Variants in SIDT2 observed in about 807,000 individuals in gnomAD.
The protein encoded by SIDT2 is SID1 transmembrane family member 2.
In SIDT2, 68 loss-of-function variants were observed where a neutral mutation model predicts 114.4. The observed-to-expected ratio is 0.59, with a 90% CI of 0.49 to 0.73. The LOEUF (loss-of-function observed/expected upper bound fraction) is 0.73. Ranked by LOEUF, SIDT2 falls within the 30% of genes least tolerant of loss-of-function variation. The probability of loss-of-function intolerance (pLI) is 0.00; values close to 1 mark genes in which losing one functional copy is unlikely to be tolerated. For synonymous variants in SIDT2, 470 were observed against 438.4 expected, an observed-to-expected ratio of 1.07 and a Z score of -0.90; for missense variants, 918 against 1,097.1, an observed-to-expected ratio of 0.84 and a Z score of 2.31.
chr11:117,192,214 C>G lies in SIDT2; in HGVS notation c.1873-40C>G, dbSNP rs759426310. On this transcript the variant is annotated intron_variant, in intron 19 of 25. Transcript: ENST00000324225. This position sits in a 1 kb window ranked among gnomAD's most constrained non-coding sequence, Gnocchi z 5.9. ...AGGGTGGGCCATCCGAGCCACTTCC[C>G]TCTCCACCCTCACCGCTGCCCTTGG... 11 of 1,478,546 alleles carry G rather than the reference C, an allele frequency of 7.4e-6. No homozygotes were observed. Among genetic ancestry groups the G allele is most frequent in the Non-Finnish European group, 1.0e-5 (11 of 1,056,988 alleles). The allele number at this position is 1,478,546 out of a possible 1,614,324, so 91.6% of individuals were successfully genotyped here.
At position 117,186,219 on chromosome 11, in the gene SIDT2, T is replaced by C; in HGVS notation, c.958T>C (p.Trp320Arg). The C allele has an allele frequency of 6.2e-7, 1 of 1,614,050 alleles. No individual in the cohort carries two copies. The highest frequency in any genetic ancestry group is 1.3e-5 in the African/African-American group (1 of 75,040). ...CGTCCTCCTGGCCTGCTGGGAGAAC[T>C]GGAGGTAAAGTGGAACTGCTGGGCC... The part of the protein sequence containing the change: ...LTVLLACWEN[W>R]RQKKKTLLVA... Residue 320 changes from tryptophan to arginine, a missense_variant, in exon 9 of 26, where the codon TGG (tryptophan) becomes CGG (arginine). By Grantham distance (101) the Trp-to-Arg change is moderately radical. Transcript: ENST00000324225.
Position 117,179,556 on chromosome 11 carries a change from C to T in SIDT2, c.183+110C>T, listed in dbSNP as rs564179114. 27 of 1,173,468 alleles carry T rather than the reference C, an allele frequency of 2.3e-5. No individual in the cohort carries two copies. The African/African-American group carries it at 3.4e-4, about 15-fold the overall frequency. The allele number at this position is 1,173,468 out of a possible 1,614,324, so 72.7% of individuals were successfully genotyped here. A position where few individuals can be genotyped will look rare whatever the true frequency, so the allele number is the denominator to read the frequency against. On this transcript the variant is annotated intron_variant, in intron 1 of 25. Coordinates refer to ENST00000324225, the MANE Select transcript of SIDT2 (RefSeq NM_001040455.2). The stretch of plus-strand genomic sequence containing the variant: ...GAGGCCCCAGGAACGAGCTGTCCTG[C>T]TAGGTTCCCAGTTCCCAGAACCACA...
At chr11:117,181,291 C>G in intron 1 of SIDT2, 125 bp from the exon 2 acceptor site, 1 of 1,396,080 alleles carries the variant, frequency 7.2e-7, no homozygotes. Context: ...GAGATGACTC[C>G]CTGGCCCGAC....
rs760782996 is a variant in SIDT2 at position 117,182,749 on chromosome 11, C to T, written c.645C>T (p.Asn215=). Residue 215 remains asparagine, a synonymous_variant, in exon 6 of 26, where the codon AAC becomes AAT. Transcript: ENST00000324225. ...GTCCTGTCTATGACCTGGACAACAA[C>T]GTAGCCTTCATCGGCATGTACCAGA... ...VLCPVYDLDN[N]VAFIGMYQTM... 18 of 1,614,094 alleles carry T rather than the reference C, an allele frequency of 1.1e-5. No homozygotes were observed. Among genetic ancestry groups the T allele is most frequent in the Middle Eastern group, 1.6e-4 (1 of 6,082 alleles).
rs748210135 is a variant in SIDT2, at chr11:117,189,260, C to G, written c.1352+18C>G. On this transcript the variant is annotated intron_variant, in intron 14 of 25. Coordinates refer to ENST00000324225, the MANE Select transcript of SIDT2 (RefSeq NM_001040455.2). ...TACTTCTGGTGAGTGGGCTGAGTGTCTGGGGCTCTGCTGTTGGTGGGTGTG... is the reference window on the plus strand; with the variant it reads ...TACTTCTGGTGAGTGGGCTGAGTGTGTGGGGCTCTGCTGTTGGTGGGTGTG... The G allele has an allele frequency of 6.2e-7, 1 of 1,614,156 alleles. No individual in the cohort carries two copies. Among genetic ancestry groups the G allele is most frequent in the Non-Finnish European group, 8.5e-7 (1 of 1,179,972 alleles).
chr11:117,188,995 G>A lies in SIDT2; in HGVS notation c.1278+169G>A. On this transcript the variant is annotated intron_variant, in intron 13 of 25. Coordinates refer to ENST00000324225, the MANE Select transcript of SIDT2 (RefSeq NM_001040455.2). The surrounding 1 kb of genome is among the most constrained non-coding windows in gnomAD (Gnocchi z 4.0). ...CTAACCTGACCTCCAACCCCTTCCG[G>A]CCTGATTGGCCAAACCCTCTTGGTC... The A allele has an allele frequency of 3.2e-6, 3 of 950,408 alleles. No individual in the cohort carries two copies. Among genetic ancestry groups the A allele is most frequent in the South Asian group, 1.5e-5 (1 of 68,744 alleles). 58.9% of individuals were successfully genotyped at this position (950,408 alleles called of 1,614,324 possible). A position where few individuals can be genotyped will look rare whatever the true frequency, so the allele number is the denominator to read the frequency against.
At chr11:117,179,717 C>T (rs2030191135) in intron 1 of SIDT2, 1 of 408,716 alleles carries the variant, frequency 2.4e-6, no homozygotes, top group Non-Finnish European at 4.4e-6. Context: ...TCTGAGCACA[C>T]ATGGCTTGCT....
chr11:117,187,388 AG>A lies in SIDT2; in HGVS notation c.1027del (p.Val343SerfsTer51). On this transcript the variant is annotated frameshift_variant, in exon 11 of 26. Coordinates refer to ENST00000324225, the MANE Select transcript of SIDT2 (RefSeq NM_001040455.2). LOFTEE classifies it high-confidence loss of function. ...RACPESGHPRVLADSFPGSSP... is the reference protein window; with the variant it reads ...RACPESGHPRXLADSFPGSSP... ...GACTTCTCATTGCAGGTCACCCTCG[AG>A]TCCTGGCTGATTCTTTTCCTGGCAG... 6.2e-7 allele frequency: 1 copy of A among 1,613,980 alleles called. No homozygotes were observed. The highest frequency in any genetic ancestry group is 8.5e-7 in the Non-Finnish European group (1 of 1,179,946).
At chr11:117,193,062 ACAT>A (rs2030761222) in intron 22 of SIDT2, 88 bp from the exon 23 acceptor site, 4 of 1,437,948 alleles carry the variant, frequency 2.8e-6, no homozygotes, top group Admixed American at 3.3e-5. Context: ...ACACAGCCCA[ACAT>A]CATAATAAAA....
At position 117,188,586 on chromosome 11, in the gene SIDT2, G is replaced by T. The variant is rs1490506865; in HGVS notation, c.1160-122G>T. On this transcript the variant is annotated intron_variant, in intron 12 of 25. Coordinates refer to ENST00000324225, the MANE Select transcript of SIDT2 (RefSeq NM_001040455.2). This position sits in a 1 kb window ranked among gnomAD's most constrained non-coding sequence, Gnocchi z 4.0. ...AGCCCACTTCCACCCCAACTCTGAG[G>T]CCCAGCCCACAATTTGCCTCTTCCC... is the stretch of plus-strand genomic sequence containing the variant. The T allele has an allele frequency of 1.4e-6, 1 of 728,206 alleles. No individual in the cohort carries two copies. The highest frequency in any genetic ancestry group is 1.7e-5 in the South Asian group (1 of 60,548). 45.1% of individuals were successfully genotyped at this position (728,206 alleles called of 1,614,324 possible).
intron 9 of SIDT2, 136 bp downstream of exon 9, chr11:117,186,359 C>A: frequency 1.2e-6 from 1 of 859,540 alleles, no homozygotes; most frequent in Non-Finnish European, 1.9e-6. Context: ...CTGTTAGAGT[C>A]TGTGGCCCAT....
At chr11:117,184,227 G>A (rs1376164840) in intron 8 of SIDT2, 88 bp downstream of exon 8, 13 of 1,321,898 alleles carry the variant, frequency 9.8e-6, no homozygotes, top group Non-Finnish European at 1.2e-5. Flanking sequence ...CCCTGAAGTG[G>A]GTGATGAGGA....
At chr11:117,193,755 A>C in intron 23 of SIDT2, 98 bp from the exon 24 acceptor site, 4 of 811,890 alleles carry the variant, frequency 4.9e-6, no homozygotes, top group South Asian at 1.5e-5. Flanking sequence ...AAGGCCTGGG[A>C]GGCCATGAGG....
rs137918918 is a variant in SIDT2 at position 117,182,553 on chromosome 11, C to T, written c.551C>T (p.Ser184Leu). ...TATGAGTTCCCTGAAGGCGTGGACT[C>T]GGTAATTGTCAAGGTGACCTCCAAC... The part of the protein sequence containing the change: ...FKYEFPEGVD[S>L]VIVKVTSNKA... Residue 184 changes from serine to leucine, a missense_variant, in exon 5 of 26, where the codon TCG becomes TTG. This residue lies in a region of SIDT2 where 553 missense variants were observed against 600.1 expected (regional missense o/e 0.92). Transcript: ENST00000324225. 410 of 1,614,210 alleles carry T rather than the reference C, an allele frequency of 2.5e-4. 1 individual carries two copies. The African/African-American group carries it at 4.9e-3, about 19-fold the overall frequency.
rs1219079968 is a variant in SIDT2, at chr11:117,190,023, C to G, written c.1491C>G (p.Leu497=). ...TCTGCGCCCACCCACTGGGCAATCTCAGGTGGGGGTCATGCTGGGAGGCCC... is the reference window on the plus strand; with the variant it reads ...TCTGCGCCCACCCACTGGGCAATCTGAGGTGGGGGTCATGCTGGGAGGCCC... The part of the protein sequence containing the change: ...NFLCAHPLGN[L]SAFNNILSNL... The change falls in exon 16 of 26, where the codon CTC becomes CTG. Residue 497 remains leucine, a splice_region_variant and synonymous_variant. Transcript: ENST00000324225. This position sits in a 1 kb window ranked among gnomAD's most constrained non-coding sequence, Gnocchi z 4.1. 2 of 1,614,036 alleles carry G rather than the reference C, an allele frequency of 1.2e-6. No homozygotes were observed. Among genetic ancestry groups the G allele is most frequent in the Non-Finnish European group, 1.7e-6 (2 of 1,180,010 alleles).
chr11:117,185,300 C>T lies in SIDT2; in HGVS notation c.869-830C>T, dbSNP rs192469731. Among the ~76,000 whole-genome samples, 971 of 151,528 alleles carry T rather than the reference C, an allele frequency of 6.4e-3. 8 individuals are homozygous for T. The highest frequency in any genetic ancestry group is 0.022 in the African/African-American group (910 of 41,302). Reference sequence around the variant, plus strand: ...TCCTGACCTCGTGATCCACCTGCCCCGGCTCCCAAAGTGCTGAGATTACAG... The same window carrying T: ...TCCTGACCTCGTGATCCACCTGCCCTGGCTCCCAAAGTGCTGAGATTACAG... On this transcript the variant is annotated intron_variant, in intron 8 of 25. Transcript: ENST00000324225.
chr11:117,180,498 C>T (rs1346054185), intron 1 of SIDT2, among the ~76,000 whole-genome samples: 3 of 149,772 alleles, frequency 2.0e-5, no homozygotes, highest in African/African-American at 7.4e-5. Flanking sequence ...TATATATGTT[C>T]CTTCATAGCT....
chr11:117,187,274 T>C (rs2030531549), intron 10 of SIDT2, 104 bp from the exon 11 acceptor site: 3 of 1,167,660 alleles, frequency 2.6e-6, no homozygotes, highest in Non-Finnish European at 3.9e-6. Flanking sequence ...TCTGCTGGCA[T>C]GGCCTCCCTG....
chr11:117,189,092 T>A (rs1033211756), intron 13 of SIDT2, 77 bp from the exon 14 acceptor site: 1 of 1,473,204 alleles, frequency 6.8e-7, no homozygotes, highest in African/African-American at 1.4e-5. Context: ...GGGAGGCCCC[T>A]CTTGTCCACC....
Sources: allele counts gnomAD v4.1 joint callset (sites outside exome capture counted in the v4.1 genomes callset), GRCh38; gene constraint gnomAD v4.1.1; regional missense constraint gnomAD v4.1.1; non-coding constraint Gnocchi (gnomAD v3.1); transcripts MANE v1.5; gene names NCBI Gene and HGNC (gene_info 2026-07-23, HGNC 2026-07-21).